MARCHF1: variants seen among roughly 807,000 people sequenced by gnomAD.
The protein encoded by MARCHF1 is membrane associated ring-CH-type finger 1, also known as E3 ubiquitin-protein ligase MARCHF1.
Under a neutral mutation model 54.2 loss-of-function variants are expected in MARCHF1, and 40 were observed. The ratio of observed to expected loss-of-function variants is 0.74; its 90% CI spans 0.57 to 0.96. The LOEUF (loss-of-function observed/expected upper bound fraction) is 0.96, where lower values mean the gene tolerates loss of function less well. MARCHF1 is among the 40% of genes least tolerant of loss of function. MARCHF1 has a pLI of 0.00. For synonymous variants in MARCHF1, 236 were observed against 236.3 expected, an observed-to-expected ratio of 1.00 and a Z score of 0.01; for missense variants, 586 against 656.5, an observed-to-expected ratio of 0.89 and a Z score of 1.17.
rs772249741 is a variant in MARCHF1 at position 163,586,368 on chromosome 4, C to CA, written c.1011-440dup. On this transcript the variant is annotated intron_variant, in intron 7 of 9. Transcript: ENST00000514618. ...TATGTATGTGCAAATATTGCCAAAT[C>CA]AAAAAAAAAGTCCCCAATCCAACAC... Among the ~76,000 whole-genome samples the CA allele has an allele frequency of 4.3e-3, 651 of 150,566 alleles. 6 individuals are homozygous for CA. Among genetic ancestry groups the CA allele is most frequent in the African/African-American group, 0.014 (589 of 41,100 alleles).
At chr4:164,175,463 A>G (rs1730639217) in intron 1 of MARCHF1, among the ~76,000 whole-genome samples, 1 of 152,142 alleles carries the variant, frequency 6.6e-6, no homozygotes, top group Non-Finnish European at 1.5e-5. Context: ...TTAATCTATG[A>G]TAAGATTCCA....
chr4:163,979,743 G>C (rs1346854117), intron 3 of MARCHF1, among the ~76,000 whole-genome samples: 1 of 152,168 alleles, frequency 6.6e-6, no homozygotes, highest in African/African-American at 2.4e-5. Flanking sequence ...ATCTCATTGT[G>C]ATTTTGGTTT....
At chr4:164,053,826 T>C (rs1336847839) in intron 2 of MARCHF1, among the ~76,000 whole-genome samples, 2 of 152,194 alleles carry the variant, frequency 1.3e-5, no homozygotes, top group African/African-American at 4.8e-5. Context: ...GAAGAAGACA[T>C]TGATCTGAAA....
In MARCHF1 at chr4:164,300,548, GTTGT is replaced by G. The variant is rs200736391; in HGVS notation, c.-323+83318_-323+83321del. On this transcript the variant is annotated intron_variant, in intron 1 of 9. Transcript: ENST00000514618. ...ATGAAATCAACAGTAATACTAGTTA[GTTGT>G]TTGTTTGTTTGTTTCAGATGATCTC... 8.1e-3 allele frequency among the ~76,000 whole-genome samples: 1,233 copies of G among 152,162 alleles called. 22 individuals carry two copies. The highest frequency in any genetic ancestry group is 0.028 in the African/African-American group (1,168 of 41,502).
intron 3 of MARCHF1, among the ~76,000 whole-genome samples, chr4:163,925,514 AAATG>A: frequency 6.6e-6 from 1 of 151,980 alleles, no homozygotes; most frequent in African/African-American, 2.4e-5. Flanking sequence ...TATTCAACAC[AAATG>A]AATGATACTT....
intron 4 of MARCHF1, among the ~76,000 whole-genome samples, chr4:163,744,388 C>T (rs1015322236): frequency 6.6e-6 from 1 of 152,136 alleles, no homozygotes; most frequent in African/African-American, 2.4e-5. Flanking sequence ...CAATGGACCT[C>T]TTATATAGTA....
At chr4:163,759,899 C>T (rs1234692143) in intron 4 of MARCHF1, among the ~76,000 whole-genome samples, 3 of 152,154 alleles carry the variant, frequency 2.0e-5, no homozygotes, top group African/African-American at 7.2e-5. Context: ...TATTTGAAAG[C>T]TGCTGACTTC....
chr4:163,763,477 G>A (rs574028840), intron 4 of MARCHF1, among the ~76,000 whole-genome samples: 3 of 152,094 alleles, frequency 2.0e-5, no homozygotes, highest in Non-Finnish European at 2.9e-5. Context: ...ATGCAAAATT[G>A]TCTGTTATAT....
chr4:163,776,242 C>T (rs1395829350), intron 4 of MARCHF1, among the ~76,000 whole-genome samples: 3 of 151,948 alleles, frequency 2.0e-5, no homozygotes, highest in South Asian at 2.1e-4. Context: ...AACTTGCTTA[C>T]GGTCAATTAG....
At chr4:163,614,441 C>A (rs954749472) in intron 5 of MARCHF1, among the ~76,000 whole-genome samples, 1 of 152,068 alleles carries the variant, frequency 6.6e-6, no homozygotes, top group Middle Eastern at 3.2e-3. Context: ...GGGTGGAGAT[C>A]TGGGTCCAGA....
chr4:164,036,111 A>C (rs1050992610), intron 2 of MARCHF1, among the ~76,000 whole-genome samples: 45 of 122,474 alleles, frequency 3.7e-4, no homozygotes, highest in African/African-American at 1.1e-3. Context: ...TCAAAAAAAA[A>C]AAAAACAAAA....
intron 5 of MARCHF1, among the ~76,000 whole-genome samples, chr4:163,657,301 C>G (rs931595178): frequency 6.6e-6 from 1 of 152,006 alleles, no homozygotes; most frequent in Non-Finnish European, 1.5e-5. Flanking sequence ...AATGAACTCC[C>G]ATTCACAATT....
Position 164,198,916 on chromosome 4 carries a change from AG to A in MARCHF1, c.-322-87255del, listed in dbSNP as rs1731360641. Among the ~76,000 whole-genome samples the A allele has an allele frequency of 2.6e-5, 4 of 152,360 alleles. 1 individual carries two copies. The South Asian group carries it at 8.3e-4, about 32-fold the overall frequency. On this transcript the variant is annotated intron_variant, in intron 1 of 9. Transcript: ENST00000514618. Reference sequence around the variant, plus strand: ...TGAGCAATAGATTCAAAAAACTAAAAGGCTAAAATTCTAGGCAAATAAAAAT... The same window carrying A: ...TGAGCAATAGATTCAAAAAACTAAAAGCTAAAATTCTAGGCAAATAAAAAT...
At chr4:164,176,974 C>CCA (rs1730696778) in intron 1 of MARCHF1, among the ~76,000 whole-genome samples, 13 of 29,962 alleles carry the variant, frequency 4.3e-4, no homozygotes, top group African/African-American at 1.5e-3. Flanking sequence ...CTCTCTCTCT[C>CCA]TCTCTCTATA....
chr4:163,613,402 A>G lies in MARCHF1; in HGVS notation c.163-9T>C. 7 of 1,613,346 alleles carry G rather than the reference A, an allele frequency of 4.3e-6. No individual in the cohort carries two copies. Among genetic ancestry groups the G allele is most frequent in the Non-Finnish European group, 5.9e-6 (7 of 1,179,560 alleles). ...GTTGTTGGGCTGCTTGCCTGGAGAA[A>G]CAAGTTAGATAATTTGGCATCTTGG... On this transcript the variant is annotated splice_polypyrimidine_tract_variant and intron_variant, in intron 5 of 9. Coordinates refer to ENST00000514618, the MANE Select transcript of MARCHF1 (RefSeq NM_001394959.1).
intron 1 of MARCHF1, among the ~76,000 whole-genome samples, chr4:164,204,325 T>C (rs1251450759): frequency 6.6e-6 from 1 of 152,196 alleles, no homozygotes; most frequent in Non-Finnish European, 1.5e-5. Context: ...ATAAAAAAAC[T>C]GTTTTTCACT....
intron 1 of MARCHF1, among the ~76,000 whole-genome samples, chr4:164,170,639 T>C (rs1162783376): frequency 1.3e-5 from 2 of 152,112 alleles, no homozygotes; most frequent in Admixed American, 1.3e-4. Context: ...TTCTTGACCA[T>C]AGTGAGATAT....
At chr4:163,611,050 C>T (rs1037428337) in intron 7 of MARCHF1, among the ~76,000 whole-genome samples, 1 of 152,010 alleles carries the variant, frequency 6.6e-6, no homozygotes, top group African/African-American at 2.4e-5. Flanking sequence ...AGCTTCCTTG[C>T]CATGTGCTTT....
At chr4:163,968,035 A>C (rs919590057) in intron 3 of MARCHF1, among the ~76,000 whole-genome samples, 2 of 152,172 alleles carry the variant, frequency 1.3e-5, no homozygotes, top group Non-Finnish European at 2.9e-5. Flanking sequence ...TAAAGCTTTA[A>C]CTTGATAAGA....
Sources: allele counts gnomAD v4.1 joint callset (sites outside exome capture counted in the v4.1 genomes callset), GRCh38; gene constraint gnomAD v4.1.1; transcripts MANE v1.5; gene names NCBI Gene and HGNC (gene_info 2026-07-23, HGNC 2026-07-21).